Variants in CDKAL1 observed in about 807,000 individuals in gnomAD.
CDKAL1 encodes the protein CDKAL1 threonylcarbamoyladenosine tRNA methylthiotransferase.
In CDKAL1, 32 loss-of-function variants were observed where a neutral mutation model predicts 68.2. The observed-to-expected ratio is 0.47, with a 90% CI of 0.35 to 0.63. The LOEUF (loss-of-function observed/expected upper bound fraction) is 0.63. Ranked by LOEUF, CDKAL1 falls within the 30% of genes least tolerant of loss-of-function variation. CDKAL1 has a pLI of 0.00. For synonymous variants in CDKAL1, 234 were observed against 244.3 expected (o/e 0.96, Z 0.39); for missense variants, 606 against 696.7 (o/e 0.87, Z 1.47).
At chr6:20,689,964 A>T (rs1770797272) in intron 5 of CDKAL1, among the ~76,000 whole-genome samples, 1 of 152,180 alleles carries the variant, frequency 6.6e-6, no homozygotes, top group Admixed American at 6.5e-5. Flanking sequence ...TGGATTTTTA[A>T]AATCATTTTG....
chr6:20,918,396 A>G (rs1305943216), intron 9 of CDKAL1, among the ~76,000 whole-genome samples: 1 of 152,224 alleles, frequency 6.6e-6, no homozygotes, highest in Non-Finnish European at 1.5e-5. Flanking sequence ...CAAAATGGTT[A>G]TTTTTAAAAA....
chr6:21,165,047 G>A (rs7776158), intron 13 of CDKAL1, among the ~76,000 whole-genome samples: 57,318 of 151,998 alleles, frequency 0.38, 11,695 homozygotes, highest in African/African-American at 0.54. Context: ...TCCTTCCCCA[G>A]GTGTCTCTTC....
At chr6:20,901,957 G>C (rs557039807) in intron 9 of CDKAL1, among the ~76,000 whole-genome samples, 51 of 152,020 alleles carry the variant, frequency 3.4e-4, no homozygotes, top group Non-Finnish European at 5.0e-4. Context: ...TGTATTTTTA[G>C]TAGAGATGGG....
chr6:20,797,627 G>A (rs1002705239), intron 8 of CDKAL1, among the ~76,000 whole-genome samples: 3 of 151,942 alleles, frequency 2.0e-5, no homozygotes, highest in Non-Finnish European at 2.9e-5. Context: ...TCTGTGTTGC[G>A]TTCACTTAAT....
intron 11 of CDKAL1, among the ~76,000 whole-genome samples, chr6:21,045,091 C>T (rs1011454166): frequency 4.6e-5 from 7 of 152,156 alleles, no homozygotes; most frequent in African/African-American, 1.4e-4. Flanking sequence ...TATAGCATTG[C>T]GGATTCAGTT....
At chr6:20,715,202 C>G (rs1772032987) in intron 5 of CDKAL1, among the ~76,000 whole-genome samples, 1 of 152,158 alleles carries the variant, frequency 6.6e-6, no homozygotes, top group African/African-American at 2.4e-5. Flanking sequence ...ACCTACATCT[C>G]CCTATTTTCT....
chr6:20,871,243 G>C (rs1313912160), intron 9 of CDKAL1, among the ~76,000 whole-genome samples: 1 of 152,172 alleles, frequency 6.6e-6, no homozygotes, highest in Non-Finnish European at 1.5e-5. Context: ...CGTGATATAT[G>C]TGCTTCTTTA....
chr6:20,745,727 A>G (rs1773638752), intron 6 of CDKAL1, among the ~76,000 whole-genome samples: 1 of 152,212 alleles, frequency 6.6e-6, no homozygotes, highest in Non-Finnish European at 1.5e-5. Context: ...TGAGCTAAAA[A>G]AAAATCGCCA....
At chr6:20,611,038 T>G (rs538315280) in intron 4 of CDKAL1, among the ~76,000 whole-genome samples, 1 of 152,222 alleles carries the variant, frequency 6.6e-6, no homozygotes, top group Non-Finnish European at 1.5e-5. Flanking sequence ...CATTCCTTCC[T>G]TTAGAATTTA....
chr6:20,767,689 C>T (rs1388310481), intron 7 of CDKAL1, among the ~76,000 whole-genome samples: 2 of 152,070 alleles, frequency 1.3e-5, no homozygotes, highest in Non-Finnish European at 2.9e-5. Flanking sequence ...TCTTAGAAAA[C>T]CTAATATTGA....
intron 9 of CDKAL1, among the ~76,000 whole-genome samples, chr6:20,861,507 T>C (rs1759628315): frequency 1.3e-5 from 2 of 152,236 alleles, no homozygotes; most frequent in Non-Finnish European, 1.5e-5. Context: ...TTTAAAATAA[T>C]CAAATATTTA....
intron 5 of CDKAL1, among the ~76,000 whole-genome samples, chr6:20,686,102 A>G (rs140840355): frequency 1.7e-3 from 262 of 150,170 alleles, no homozygotes; most frequent in Non-Finnish European, 2.1e-3. Context: ...TTTTTTTGCC[A>G]ATACTCTTGA....
intron 13 of CDKAL1, among the ~76,000 whole-genome samples, chr6:21,118,264 G>A (rs1421424292): frequency 6.6e-6 from 1 of 152,196 alleles, no homozygotes; most frequent in East Asian, 1.9e-4. Context: ...ATCCACTAGA[G>A]AAGTGAGGAG....
At chr6:21,069,309 T>G (rs890926076) in intron 12 of CDKAL1, among the ~76,000 whole-genome samples, 1 of 152,208 alleles carries the variant, frequency 6.6e-6, no homozygotes, top group African/African-American at 2.4e-5. Flanking sequence ...TTAGTAAAGT[T>G]CCTTTCTATT....
Position 21,221,560 on chromosome 6 carries a change from C to T in CDKAL1, c.1549-9288C>T, listed in dbSNP as rs115546392. Among the ~76,000 whole-genome samples the T allele has an allele frequency of 2.5e-3, 379 of 152,262 alleles. 2 individuals carry two copies. Among genetic ancestry groups the T allele is most frequent in the African/African-American group, 8.6e-3 (357 of 41,540 alleles). On this transcript the variant is annotated intron_variant, in intron 15 of 15. Coordinates refer to ENST00000274695, the MANE Select transcript of CDKAL1 (RefSeq NM_017774.3). ...AGATTCTTTTCTATAGTATACTGTA[C>T]TGCATAATGTATGTTTTAAGATTGT...
intron 5 of CDKAL1, among the ~76,000 whole-genome samples, chr6:20,670,897 G>A (rs1232867510): frequency 6.6e-6 from 1 of 152,198 alleles, no homozygotes; most frequent in Non-Finnish European, 1.5e-5. Flanking sequence ...TCCATGCAGT[G>A]AGTGTATAGT....
At chr6:20,725,907 C>T (rs1772631520) in intron 5 of CDKAL1, among the ~76,000 whole-genome samples, 1 of 151,686 alleles carries the variant, frequency 6.6e-6, no homozygotes, top group Non-Finnish European at 1.5e-5. Context: ...ATATAAATTT[C>T]ATCAGGTGGG....
intron 4 of CDKAL1, among the ~76,000 whole-genome samples, chr6:20,638,615 C>CT (rs66721753): frequency 1.5e-4 from 20 of 130,000 alleles, no homozygotes; most frequent in Admixed American, 4.6e-4. Context: ...ATTAGAGATT[C>CT]TTTTTTTTTT....
rs1280596668 is a variant in CDKAL1 at position 20,539,254 on chromosome 6, A to C, written c.-6+3860A>C. ...GCATACTCAGAATATCTATATCCAT[A>C]TATTGCCCGACTGTGTAGTCTGCAG... On this transcript the variant is annotated intron_variant, in intron 2 of 15. Transcript: ENST00000274695. This position sits in a 1 kb window ranked among gnomAD's most constrained non-coding sequence, Gnocchi z 4.3. Among the ~76,000 whole-genome samples the C allele has an allele frequency of 1.3e-5, 2 of 152,196 alleles. No individual in the cohort carries two copies. Among genetic ancestry groups the C allele is most frequent in the South Asian group, 2.1e-4 (1 of 4,832 alleles).
Sources: gnomAD v4.1 joint callset for allele counts (sites outside exome capture counted in the v4.1 genomes callset) on GRCh38, gnomAD v4.1.1 for gene constraint, Gnocchi (gnomAD v3.1) non-coding constraint, MANE v1.5 for transcripts, NCBI Gene and HGNC (gene_info 2026-07-23, HGNC 2026-07-21) for gene names.